CYFIP1: variants seen among roughly 807,000 people sequenced by gnomAD.
CYFIP1 encodes the protein cytoplasmic FMR1-interacting protein 1.
CYFIP1 carries 58 observed loss-of-function variants against 163.5 expected under a neutral mutation model. The observed-to-expected ratio is 0.35, with a 90% CI of 0.29 to 0.44. CYFIP1 has a LOEUF of 0.44. Among genes scored for constraint, CYFIP1 ranks in the 20% least tolerant of loss-of-function variants. The pLI is 1.00. For synonymous variants in CYFIP1, 663 were observed against 660.7 expected, an observed-to-expected ratio of 1.00 and a Z score of -0.05; for missense variants, 1,338 against 1,653.8, an observed-to-expected ratio of 0.81 and a Z score of 3.31.
chr15:22,869,556 G>A lies in CYFIP1; in HGVS notation c.*472C>T, dbSNP rs551058524. On this transcript the variant is annotated 3_prime_UTR_variant, in exon 31 of 31. Transcript: ENST00000617928. ...GATTTAGTGGAAGCAGGGGAATCAA[G>A]TTCACTATTTTCTGAAACACACAAA... The A allele has an allele frequency of 6.6e-6, 1 of 152,668 alleles. No homozygotes were observed. Among genetic ancestry groups the A allele is most frequent in the African/African-American group, 2.4e-5 (1 of 41,538 alleles). 9.5% of individuals were successfully genotyped at this position (152,668 alleles called of 1,614,324 possible).
chr15:22,895,817 C>T (rs1304444058), intron 22 of CYFIP1, among the ~76,000 whole-genome samples: 2 of 152,192 alleles, frequency 1.3e-5, no homozygotes, highest in East Asian at 3.8e-4. Context: ...AAACTGAACA[C>T]CACAGCCCAA....
intron 25 of CYFIP1, 63 bp from the exon 26 acceptor site, chr15:22,880,106 G>C: frequency 6.2e-7 from 1 of 1,602,448 alleles, no homozygotes; most frequent in Non-Finnish European, 8.5e-7. Flanking sequence ...AGCAGCCTGG[G>C]TCCACAGCCA....
intron 20 of CYFIP1, among the ~76,000 whole-genome samples, chr15:22,910,095 C>T (rs1040310691): frequency 1.3e-5 from 2 of 152,120 alleles, no homozygotes; most frequent in African/African-American, 4.8e-5. Context: ...TTTATAAGGA[C>T]GTTCACAGTC....
At chr15:22,910,441 T>G in intron 20 of CYFIP1, 79 bp downstream of exon 20, 5 of 1,212,800 alleles carry the variant, frequency 4.1e-6, no homozygotes, top group East Asian at 2.4e-5. Flanking sequence ...ATTACAGGCG[T>G]GAGCCACCGC....
chr15:22,948,151 G>T (rs756110555), intron 1 of CYFIP1: 4 of 201,750 alleles, frequency 2.0e-5, no homozygotes, highest in Non-Finnish European at 3.5e-5. Context: ...CAGTCCCACT[G>T]CACTGGCTGA....
intron 6 of CYFIP1, among the ~76,000 whole-genome samples, chr15:22,942,284 G>T (rs1191053690): frequency 6.6e-6 from 1 of 152,198 alleles, no homozygotes; most frequent in Non-Finnish European, 1.5e-5. Context: ...AGCATATTCA[G>T]ATGCAAAGTA....
intron 9 of CYFIP1, among the ~76,000 whole-genome samples, chr15:22,935,660 A>G (rs2061688995): frequency 6.6e-6 from 1 of 152,180 alleles, no homozygotes; most frequent in Admixed American, 6.5e-5. Context: ...GTCAAAGCGT[A>G]TAAAGTTTCA....
At chr15:22,942,891 CTG>C (rs1320974277) in intron 6 of CYFIP1, among the ~76,000 whole-genome samples, 1 of 152,208 alleles carries the variant, frequency 6.6e-6, no homozygotes, top group Non-Finnish European at 1.5e-5. Context: ...TTGTGCATGT[CTG>C]TCTTCCCAGG....
intron 23 of CYFIP1, among the ~76,000 whole-genome samples, chr15:22,884,795 G>A (rs2059882663): frequency 6.6e-6 from 1 of 152,146 alleles, no homozygotes; most frequent in Non-Finnish European, 1.5e-5. Context: ...TGGACATTCA[G>A]GCATTTCCAC....
chr15:22,896,532 G>T, intron 22 of CYFIP1, among the ~76,000 whole-genome samples: 1 of 150,046 alleles, frequency 6.7e-6, no homozygotes, highest in Admixed American at 6.6e-5. Context: ...TTTTTCTTTT[G>T]GTGCTTCAGT....
At chr15:22,950,980 G>A (rs1317610825) in intron 1 of CYFIP1, among the ~76,000 whole-genome samples, 3 of 152,172 alleles carry the variant, frequency 2.0e-5, no homozygotes, top group African/African-American at 7.2e-5. Context: ...ATCTCTTACC[G>A]TGCCTAATTT....
At chr15:22,878,517 T>C (rs1005552674) in intron 26 of CYFIP1, among the ~76,000 whole-genome samples, 3 of 151,762 alleles carry the variant, frequency 2.0e-5, no homozygotes, top group African/African-American at 7.3e-5. Context: ...CCTCTCACAT[T>C]ATACACAAAG....
chr15:22,934,181 T>C lies in CYFIP1; in HGVS notation c.901-288A>G, dbSNP rs1273846744. On this transcript the variant is annotated intron_variant, in intron 9 of 30. Transcript: ENST00000617928. ...AAAAAATCACTGCATTTCTTTCTTT[T>C]TTTTTTTTTTTTTTTTTTTTTTTGA... 1.2e-4 allele frequency among the ~76,000 whole-genome samples: 14 copies of C among 116,232 alleles called. No homozygotes were observed. In the East Asian group the frequency reaches 1.7e-3, roughly 15 times the overall value. The allele number at this position is 116,232 out of a possible 152,430, so 76.3% of individuals were successfully genotyped here. A position where few individuals can be genotyped will look rare whatever the true frequency, so the allele number is the denominator to read the frequency against.
At chr15:22,872,034 C>G (rs769408412) in intron 30 of CYFIP1, among the ~76,000 whole-genome samples, 3 of 152,102 alleles carry the variant, frequency 2.0e-5, no homozygotes, top group Non-Finnish European at 4.4e-5. Context: ...GCCTGTAATC[C>G]TAGCACTTTG....
In CYFIP1 at chr15:22,869,381, C is replaced by G. The variant is rs1316350762; in HGVS notation, c.*647G>C. On this transcript the variant is annotated 3_prime_UTR_variant, in exon 31 of 31. Transcript: ENST00000617928. ...CTCAGCCTTAGAGGTGACCTCCATC[C>G]CAGCTGGCCTGGTATGTGAGTTCAG... is the stretch of plus-strand genomic sequence containing the variant. The G allele has an allele frequency of 6.6e-6, 1 of 152,184 alleles. No individual in the cohort carries two copies. Among genetic ancestry groups the G allele is most frequent in the African/African-American group, 2.4e-5 (1 of 41,412 alleles). 9.4% of individuals were successfully genotyped at this position (152,184 alleles called of 1,614,324 possible).
intron 30 of CYFIP1, 167 bp downstream of exon 30, chr15:22,872,658 A>G: frequency 1.6e-6 from 1 of 643,196 alleles, no homozygotes; most frequent in Non-Finnish European, 2.6e-6. Context: ...AGACTGCTTT[A>G]CTGGCCAATT....
At chr15:22,942,062 C>G (rs2061907491) in intron 6 of CYFIP1, among the ~76,000 whole-genome samples, 1 of 152,244 alleles carries the variant, frequency 6.6e-6, no homozygotes, top group African/African-American at 2.4e-5. Context: ...AGGTCAACTC[C>G]AGAGACCTTT....
rs2061562855 is a variant in CYFIP1, at chr15:22,932,268, G to T, written c.1065C>A (p.Asp355Glu). The T allele has an allele frequency of 3.7e-6, 6 of 1,613,176 alleles. No individual in the cohort carries two copies. Among genetic ancestry groups the T allele is most frequent in the Non-Finnish European group, 5.1e-6 (6 of 1,179,688 alleles). The change falls in exon 11 of 31, where the codon GAC becomes GAA. Residue 355 changes from aspartate to glutamate, a missense_variant. Asp to Glu is a conservative substitution (Grantham distance 45). Coordinates refer to ENST00000617928, the MANE Select transcript of CYFIP1 (RefSeq NM_014608.6). ...ICEQMIQIRE[D>E]HMRFISELAR... ...CCAGCTCCGAAATGAAGCGCATGTG[G>T]TCCTCGCGGATCTGGATCATCTGCT...
intron 13 of CYFIP1, among the ~76,000 whole-genome samples, chr15:22,920,320 A>G (rs965974744): frequency 1.3e-5 from 2 of 151,906 alleles, no homozygotes; most frequent in African/African-American, 4.8e-5. Flanking sequence ...ATGCACTACC[A>G]TGCTTGGCTA....
Sources: gnomAD v4.1 joint callset for allele counts (sites outside exome capture counted in the v4.1 genomes callset) on GRCh38, gnomAD v4.1.1 for gene constraint, MANE v1.5 for transcripts, NCBI Gene and HGNC (gene_info 2026-07-23, HGNC 2026-07-21) for gene names.